APPBP2: variants seen among roughly 807,000 people sequenced by gnomAD.
APPBP2 encodes the protein amyloid beta precursor protein binding protein 2.
In APPBP2, 15 loss-of-function variants were observed where a neutral mutation model predicts 76.0. The ratio of observed to expected loss-of-function variants is 0.20; its 90% CI spans 0.13 to 0.30. APPBP2 has a LOEUF of 0.30. Ranked by LOEUF, APPBP2 falls within the 10% of genes least tolerant of loss-of-function variation. APPBP2 has a pLI of 1.00. For synonymous variants in APPBP2, 222 were observed against 242.2 expected (o/e 0.92, Z 0.77); for missense variants, 401 against 687.2 (o/e 0.58, Z 4.66).
chr17:60,504,785 A>G (rs997288083), intron 1 of APPBP2, among the ~76,000 whole-genome samples: 1 of 152,186 alleles, frequency 6.6e-6, no homozygotes, highest in African/African-American at 2.4e-5. Context: ...CCTGGGTGAC[A>G]CTGAGACTCT....
At chr17:60,454,183 A>T (rs1598346431) in intron 11 of APPBP2, 119 bp downstream of exon 11, 2 of 741,742 alleles carry the variant, frequency 2.7e-6, no homozygotes, top group Non-Finnish European at 4.0e-6. Flanking sequence ...TATACTCACT[A>T]TCTTCTCAAT....
Position 60,476,483 on chromosome 17 carries a change from T to C in APPBP2, c.503+2665A>G, listed in dbSNP as rs546812468. Among the ~76,000 whole-genome samples, 114 of 152,074 alleles carry C rather than the reference T, an allele frequency of 7.5e-4. 1 individual carries two copies. The highest frequency in any genetic ancestry group is 1.4e-3 in the Non-Finnish European group (92 of 68,020). On this transcript the variant is annotated intron_variant, in intron 4 of 12. Coordinates refer to ENST00000083182, the MANE Select transcript of APPBP2 (RefSeq NM_006380.5). ...TAAGTCATAAAATTTTAATAATCTT[T>C]TCAAATAATACTAAGTAGATGAAAA...
chr17:60,490,392 A>G (rs1451052567), intron 3 of APPBP2, among the ~76,000 whole-genome samples: 1 of 152,172 alleles, frequency 6.6e-6, no homozygotes, highest in Non-Finnish European at 1.5e-5. Context: ...TTTGTTTAAT[A>G]GAGAAAAAAG....
intron 1 of APPBP2, among the ~76,000 whole-genome samples, chr17:60,512,519 A>C (rs2090922547): frequency 6.6e-6 from 1 of 151,906 alleles, no homozygotes; most frequent in East Asian, 1.9e-4. Flanking sequence ...TACTTATTTT[A>C]ACAGTACTGG....
intron 8 of APPBP2, 24 bp downstream of exon 8, chr17:60,461,786 A>C (rs762052246): frequency 6.5e-7 from 1 of 1,542,570 alleles, no homozygotes. Context: ...GGTTGAAAGA[A>C]AAAAAGGGTA....
intron 4 of APPBP2, among the ~76,000 whole-genome samples, chr17:60,473,127 A>G (rs2090565349): frequency 6.6e-6 from 1 of 152,006 alleles, no homozygotes; most frequent in African/African-American, 2.4e-5. Context: ...TTTTCATCTT[A>G]TTTTTCACTT....
intron 3 of APPBP2, among the ~76,000 whole-genome samples, chr17:60,484,623 G>A (rs1056459140): frequency 3.9e-5 from 6 of 152,062 alleles, no homozygotes; most frequent in Admixed American, 6.6e-5. Context: ...GGAGATTTTG[G>A]GCTGAGATGA....
At chr17:60,509,006 A>AG (rs1234433384) in intron 1 of APPBP2, among the ~76,000 whole-genome samples, 1 of 152,200 alleles carries the variant, frequency 6.6e-6, no homozygotes, top group Non-Finnish European at 1.5e-5. Context: ...ATAGATCAAG[A>AG]GAGACTCAAG....
chr17:60,484,532 T>A (rs1052575314), intron 3 of APPBP2, among the ~76,000 whole-genome samples: 1 of 152,150 alleles, frequency 6.6e-6, no homozygotes, highest in Admixed American at 6.6e-5. Flanking sequence ...GTTTATGTGT[T>A]ATTGGTGCAT....
chr17:60,515,797 T>A (rs1244519233), intron 1 of APPBP2, among the ~76,000 whole-genome samples: 3 of 152,224 alleles, frequency 2.0e-5, no homozygotes, highest in Non-Finnish European at 4.4e-5. Context: ...TACACTGCTT[T>A]CAATGAGATC....
At chr17:60,469,050 T>C (rs1305618769) in intron 4 of APPBP2, among the ~76,000 whole-genome samples, 1 of 152,108 alleles carries the variant, frequency 6.6e-6, no homozygotes, top group Non-Finnish European at 1.5e-5. Context: ...TTCTTGTAAG[T>C]GTCTTTTTCT....
At chr17:60,491,110 GA>G (rs2090725563) in intron 3 of APPBP2, among the ~76,000 whole-genome samples, 3 of 152,162 alleles carry the variant, frequency 2.0e-5, no homozygotes, top group Admixed American at 2.0e-4. Flanking sequence ...AAAAATGTAG[GA>G]AAAGTTTGGA....
chr17:60,525,877 A>C lies in APPBP2; in HGVS notation c.55T>G (p.Ser19Ala), dbSNP rs199691635. ...IPETLYNTAI[S>A]AVVDNYIRSR... is the part of the protein sequence containing the mutation. ...CGGATGTAGTTGTCCACGACAGCGG[A>C]GATGGCGGTGTTATAGAGAGTCTCT... The change falls in exon 1 of 13, where the codon TCC becomes GCC. Residue 19 changes from serine (S) to alanine (A), a missense_variant. Physicochemically the swap from Ser to Ala is moderately conservative, Grantham distance 99 (BLOSUM62 1). Transcript: ENST00000083182. 66 of 1,613,926 alleles carry C rather than the reference A, an allele frequency of 4.1e-5. No homozygotes were observed. The highest frequency in any genetic ancestry group is 5.3e-5 in the Non-Finnish European group (62 of 1,179,964).
intron 12 of APPBP2, among the ~76,000 whole-genome samples, chr17:60,448,518 C>A (rs1271233917): frequency 6.6e-6 from 1 of 152,126 alleles, no homozygotes; most frequent in Admixed American, 6.5e-5. Context: ...CTATTCACTG[C>A]AACAGTATTT....
chr17:60,478,228 T>C (rs889670505), intron 4 of APPBP2, among the ~76,000 whole-genome samples: 1 of 152,146 alleles, frequency 6.6e-6, no homozygotes, highest in Non-Finnish European at 1.5e-5. Context: ...TCCTTTAGTT[T>C]TATATAAAAA....
chr17:60,505,387 C>A (rs1210036564), intron 1 of APPBP2, among the ~76,000 whole-genome samples: 1 of 152,272 alleles, frequency 6.6e-6, no homozygotes, highest in East Asian at 1.9e-4. Flanking sequence ...ACGATCTTGG[C>A]TCACTGCAAG....
At chr17:60,464,958 G>A (rs2090500198) in intron 5 of APPBP2, 1 of 152,228 alleles carries the variant, frequency 6.6e-6, no homozygotes, top group African/African-American at 2.4e-5. Flanking sequence ...GAGCTGAGGT[G>A]GAGGCTGCAG....
At chr17:60,469,337 A>G (rs1051005639) in intron 4 of APPBP2, among the ~76,000 whole-genome samples, 22 of 152,020 alleles carry the variant, frequency 1.4e-4, no homozygotes, top group Middle Eastern at 3.4e-3. Flanking sequence ...AAAAAAAAAA[A>G]AAAAAAATTG....
At chr17:60,486,837 G>A (rs2090683405) in intron 3 of APPBP2, among the ~76,000 whole-genome samples, 1 of 152,206 alleles carries the variant, frequency 6.6e-6, no homozygotes, top group Admixed American at 6.5e-5. Context: ...GGTACCGGTT[G>A]TTCCTTTCCA....
Sources: allele counts gnomAD v4.1 joint callset (sites outside exome capture counted in the v4.1 genomes callset), GRCh38; gene constraint gnomAD v4.1.1; transcripts MANE v1.5; gene names NCBI Gene and HGNC (gene_info 2026-07-23, HGNC 2026-07-21).